Variants in AMD1 observed in about 807,000 individuals in gnomAD.
AMD1 encodes the protein S-adenosylmethionine decarboxylase proenzyme.
A neutral mutation model predicts 40.2 loss-of-function variants in AMD1; 11 were observed. The ratio of observed to expected loss-of-function variants is 0.27; its 90% CI spans 0.17 to 0.45. The LOEUF is 0.45. Among genes scored for constraint, AMD1 ranks in the 20% least tolerant of loss-of-function variants. The pLI is 1.00. For missense variants in AMD1, 257 were observed against 410.2 expected (o/e 0.63, Z 3.23); for synonymous variants, 121 against 130.8 (o/e 0.93, Z 0.51).
the AMD1 span, among the ~76,000 whole-genome samples, chr6:110,823,785 T>C: frequency 6.6e-6 from 1 of 152,038 alleles, no homozygotes; most frequent in African/African-American, 2.4e-5. Context: ...CTGAAAAAAA[T>C]AAAATAACTA....
the AMD1 span, among the ~76,000 whole-genome samples, chr6:110,837,168 G>A: frequency 8.8e-5 from 7 of 79,296 alleles, no homozygotes; most frequent in South Asian, 1.6e-3. Context: ...GAAACAGAGC[G>A]TCTCAAAAAA....
the AMD1 span, among the ~76,000 whole-genome samples, chr6:110,840,182 G>A: frequency 1.3e-5 from 2 of 151,822 alleles, no homozygotes; most frequent in Non-Finnish European, 2.9e-5. Context: ...CGACCTGGCC[G>A]TTCTCAGGAT....
the AMD1 span, among the ~76,000 whole-genome samples, chr6:110,818,131 A>G: frequency 6.6e-6 from 1 of 152,348 alleles, no homozygotes; most frequent in Non-Finnish European, 1.5e-5. Context: ...TTTAGGTTTC[A>G]TTATTCTGTC....
the AMD1 span, among the ~76,000 whole-genome samples, chr6:110,839,626 T>A: frequency 6.6e-6 from 1 of 152,104 alleles, no homozygotes; most frequent in Non-Finnish European, 1.5e-5. Context: ...ATCTAAAAAA[T>A]AAATAAATAA....
the AMD1 span, among the ~76,000 whole-genome samples, chr6:110,829,330 G>T: frequency 6.7e-6 from 1 of 149,904 alleles, no homozygotes; most frequent in South Asian, 2.1e-4. Context: ...CCAGGACTTC[G>T]AGAACAGCCT....
At chr6:110,873,689 T>C (rs529257910), upstream of AMD1, among the ~76,000 whole-genome samples, 7 of 152,344 alleles carry the variant, frequency 4.6e-5, no homozygotes, top group African/African-American at 1.7e-4. Flanking sequence ...AGTTTTGCCA[T>C]CTGAGGTTAA....
chr6:110,831,963 C>T, the AMD1 span, among the ~76,000 whole-genome samples: 1 of 151,946 alleles, frequency 6.6e-6, no homozygotes, highest in Non-Finnish European at 1.5e-5. Flanking sequence ...CCCACCTCAG[C>T]CTCCCAAGTA....
chr6:110,858,211 T>C, the AMD1 span: 1 of 753,500 alleles, frequency 1.3e-6, no homozygotes, highest in Non-Finnish European at 2.3e-6. Context: ...TTTCGTCCCA[T>C]CCCATCCTGC....
the AMD1 span, chr6:110,858,379 C>T: frequency 1.2e-6 from 1 of 825,412 alleles, no homozygotes; most frequent in South Asian, 1.3e-5. Flanking sequence ...TCTCCATCGG[C>T]CCCGACTTCC....
the AMD1 span, among the ~76,000 whole-genome samples, chr6:110,848,250 G>A: frequency 5.3e-5 from 8 of 151,832 alleles, no homozygotes; most frequent in Non-Finnish European, 1.2e-4. Flanking sequence ...AGCTGGGCTC[G>A]GTGGCTCATG....
At chr6:110,859,576 C>T in the AMD1 span, among the ~76,000 whole-genome samples, 1 of 151,026 alleles carries the variant, frequency 6.6e-6, no homozygotes, top group Admixed American at 6.6e-5. Flanking sequence ...TTTTTTTTTT[C>T]CCCGAGGAAT....
At chr6:110,860,190 T>C in the AMD1 span, among the ~76,000 whole-genome samples, 1 of 152,032 alleles carries the variant, frequency 6.6e-6, no homozygotes, top group Non-Finnish European at 1.5e-5. Context: ...CCAGTTATAC[T>C]GCTCCGTCTC....
chr6:110,856,885 C>G, the AMD1 span, among the ~76,000 whole-genome samples: 4 of 152,116 alleles, frequency 2.6e-5, no homozygotes, highest in Admixed American at 6.6e-5. Context: ...GTGGTCTGGC[C>G]AGGTACAGTG....
At chr6:110,878,385 C>G (rs935716717) in intron 1 of AMD1, among the ~76,000 whole-genome samples, 1 of 152,214 alleles carries the variant, frequency 6.6e-6, no homozygotes, top group Non-Finnish European at 1.5e-5. Flanking sequence ...TTACTAAACA[C>G]TGCTTCCCTC....
At chr6:110,867,314 A>T in the AMD1 span, among the ~76,000 whole-genome samples, 9 of 152,078 alleles carry the variant, frequency 5.9e-5, no homozygotes, top group Non-Finnish European at 1.3e-4. Context: ...GTGCTAGCCC[A>T]ATTAGTTTTT....
At chr6:110,864,114 C>T in the AMD1 span, 1 of 179,348 alleles carries the variant, frequency 5.6e-6, no homozygotes, top group Non-Finnish European at 1.2e-5. Context: ...TGTGCGCCAC[C>T]ATGTCCAGCT....
chr6:110,815,161 G>A, the AMD1 span: 7 of 1,564,246 alleles, frequency 4.5e-6, no homozygotes, highest in Non-Finnish European at 6.1e-6. Context: ...ATAGAGGCAC[G>A]GGACGCGGGG....
At chr6:110,822,342 T>G in the AMD1 span, among the ~76,000 whole-genome samples, 1 of 151,970 alleles carries the variant, frequency 6.6e-6, no homozygotes, top group Admixed American at 6.6e-5. Flanking sequence ...AGGAAATAGA[T>G]AAATTCCTGG....
the AMD1 span, among the ~76,000 whole-genome samples, chr6:110,844,643 T>C: frequency 6.6e-6 from 1 of 151,650 alleles, no homozygotes; most frequent in East Asian, 2.0e-4. Context: ...TAGCCGGGTG[T>C]GGTGGCAGGC....
Sources: allele counts gnomAD v4.1 joint callset (sites outside exome capture counted in the v4.1 genomes callset), GRCh38; gene constraint gnomAD v4.1.1; transcripts MANE v1.5; gene names NCBI Gene and HGNC (gene_info 2026-07-23, HGNC 2026-07-21).